The following PCDHA7 variants were observed in gnomAD, a reference collection of about 807,000 sequenced individuals.
PCDHA7 encodes the protein protocadherin alpha 7.
A neutral mutation model predicts 57.2 loss-of-function variants in PCDHA7; 37 were observed. That is an observed-to-expected ratio of 0.65 (90% CI 0.50 to 0.85). PCDHA7 has a LOEUF of 0.85. Ranked by LOEUF, PCDHA7 falls within the 40% of genes least tolerant of loss-of-function variation. The pLI is 0.00. For missense variants in PCDHA7, 1,188 were observed against 1,241.8 expected (o/e 0.96, Z 0.65); for synonymous variants, 553 against 558.8 (o/e 0.99, Z 0.15).
At chr5:140,937,748 T>C (rs192465220) in intron 1 of PCDHA7, among the ~76,000 whole-genome samples, 1 of 151,812 alleles carries the variant, frequency 6.6e-6, no homozygotes, top group Admixed American at 6.6e-5. Context: ...CCGTCTCTAC[T>C]AAAAATACAA....
intron 1 of PCDHA7, among the ~76,000 whole-genome samples, chr5:140,897,014 A>G (rs545411496): frequency 1.3e-3 from 202 of 152,284 alleles, no homozygotes; most frequent in Non-Finnish European, 2.0e-3. Context: ...TAAATATACA[A>G]CTAAATTATT....
chr5:140,889,120 T>G (rs1335268200), intron 1 of PCDHA7, among the ~76,000 whole-genome samples: 1 of 151,966 alleles, frequency 6.6e-6, no homozygotes, highest in Non-Finnish European at 1.5e-5. Context: ...CAGGTGATAC[T>G]GATATGTCCT....
intron 1 of PCDHA7, among the ~76,000 whole-genome samples, chr5:140,944,151 A>G (rs2093615419): frequency 6.6e-6 from 1 of 152,070 alleles, no homozygotes; most frequent in African/African-American, 2.4e-5. Flanking sequence ...GAAGAGTTGA[A>G]AATTAAAGGG....
chr5:140,841,454 G>A, intron 1 of PCDHA7: 1 of 1,612,938 alleles, frequency 6.2e-7, no homozygotes, highest in Non-Finnish European at 8.5e-7. Context: ...CGGCACCTTC[G>A]TGGGCCGGAT....
chr5:140,889,551 C>A (rs981990006), intron 1 of PCDHA7, among the ~76,000 whole-genome samples: 1 of 152,074 alleles, frequency 6.6e-6, no homozygotes, highest in Non-Finnish European at 1.5e-5. Flanking sequence ...ATTTACTTTT[C>A]TTCAGAATTC....
intron 1 of PCDHA7, chr5:140,884,132 T>C: frequency 6.2e-7 from 1 of 1,613,400 alleles, no homozygotes; most frequent in South Asian, 1.1e-5. Context: ...GCGCATCCCG[T>C]TCCGCGTGGG....
At chr5:140,919,127 T>A (rs2079016296) in intron 1 of PCDHA7, among the ~76,000 whole-genome samples, 1 of 152,192 alleles carries the variant, frequency 6.6e-6, no homozygotes, top group East Asian at 1.9e-4. Flanking sequence ...TTGCTTCATG[T>A]GTTTTGGGGC....
chr5:140,953,093 A>T (rs2153698233), intron 1 of PCDHA7, among the ~76,000 whole-genome samples: 1 of 152,346 alleles, frequency 6.6e-6, no homozygotes, highest in East Asian at 1.9e-4. Flanking sequence ...TTACAATTTG[A>T]CATGAGATTT....
chr5:140,927,290 T>A (rs1563090312), intron 1 of PCDHA7: 2 of 1,614,054 alleles, frequency 1.2e-6, no homozygotes, highest in Admixed American at 1.7e-5. Context: ...CAGCTGCACA[T>A]CCCCGAGTTC....
rs2150385569 is a variant in PCDHA7 at position 140,846,184 on chromosome 5, G to T, written c.2355+9446G>T. 1.3e-5 allele frequency among the ~76,000 whole-genome samples: 2 copies of T among 149,364 alleles called. 1 individual carries two copies. Among genetic ancestry groups the T allele is most frequent in the Non-Finnish European group, 3.0e-5 (2 of 66,864 alleles). ...CCTGCAGAGGCCTGAGTAGGCGTTT[G>T]AGTTCTTTGTATGTATGAGATCTTT... On this transcript the variant is annotated intron_variant, in intron 1 of 3. Coordinates refer to ENST00000525929, the MANE Select transcript of PCDHA7 (RefSeq NM_018910.3).
rs140634296 is a variant in PCDHA7 at position 140,850,279 on chromosome 5, G to T, written c.2355+13541G>T. Reference sequence around the variant, plus strand: ...GCCGGCGTAGTGGTGGGGAAGGTGCGCGCAGTGGACGCCGACTCGGGCTAC... The same window carrying T: ...GCCGGCGTAGTGGTGGGGAAGGTGCTCGCAGTGGACGCCGACTCGGGCTAC... On this transcript the variant is annotated intron_variant, in intron 1 of 3. Transcript: ENST00000525929. The T allele has an allele frequency of 5.0e-6, 8 of 1,595,454 alleles. 2 individuals are homozygous for T. The highest frequency in any genetic ancestry group is 1.1e-5 in the South Asian group (1 of 90,466).
At chr5:140,927,259 C>G (rs1262444613) in intron 1 of PCDHA7, 5 of 1,614,042 alleles carry the variant, frequency 3.1e-6, no homozygotes, top group Non-Finnish European at 3.4e-6. Flanking sequence ...CAACTCACCT[C>G]TCTTTCCTGC....
At position 140,882,067 on chromosome 5, in the gene PCDHA7, G is replaced by A. The variant is rs1031145324; in HGVS notation, c.2355+45329G>A. 7.1e-6 allele frequency: 6 copies of A among 848,700 alleles called. No individual in the cohort carries two copies. The East Asian group carries it at 8.0e-5, about 11-fold the overall frequency. 52.6% of individuals were successfully genotyped at this position (848,700 alleles called of 1,614,324 possible). A position where few individuals can be genotyped will look rare whatever the true frequency, so the allele number is the denominator to read the frequency against. ...GTCATACTTACACTTACACGTTCATGCGCATGGTGTCGCTCTTCACTGAGA... is the reference window on the plus strand; with the variant it reads ...GTCATACTTACACTTACACGTTCATACGCATGGTGTCGCTCTTCACTGAGA... On this transcript the variant is annotated intron_variant, in intron 1 of 3. Transcript: ENST00000525929.
intron 1 of PCDHA7, among the ~76,000 whole-genome samples, chr5:140,840,523 A>T (rs1554137815): frequency 6.6e-6 from 1 of 152,058 alleles, no homozygotes; most frequent in Non-Finnish European, 1.5e-5. Context: ...CAGAAGAAAG[A>T]TGAAGAACTA....
Position 140,838,087 on chromosome 5 carries a change from T to A in PCDHA7, c.2355+1349T>A, listed in dbSNP as rs1474008542. On this transcript the variant is annotated intron_variant, in intron 1 of 3. Coordinates refer to ENST00000525929, the MANE Select transcript of PCDHA7 (RefSeq NM_018910.3). Reference sequence around the variant, plus strand: ...AAGTTATATATATATAGTGTGTGTGTGTGTGTGTGTGTGTGTGTGTGTGTG... The same window carrying A: ...AAGTTATATATATATAGTGTGTGTGAGTGTGTGTGTGTGTGTGTGTGTGTG... Among the ~76,000 whole-genome samples the A allele has an allele frequency of 7.9e-4, 77 of 97,646 alleles. 1 individual carries two copies. Among genetic ancestry groups the A allele is most frequent in the South Asian group, 3.4e-3 (11 of 3,264 alleles). 64.1% of individuals were successfully genotyped at this position (97,646 alleles called of 152,430 possible).
At position 140,969,258 on chromosome 5, in the gene PCDHA7, A is replaced by T. The variant is rs782513796; in HGVS notation, c.2356-9691A>T. ...CAAGCAGCAGTGACTGACAGCAGGA[A>T]TCTCACAGGCCAAAGTGGTCAGAAT... On this transcript the variant is annotated intron_variant, in intron 1 of 3. Transcript: ENST00000525929. The T allele has an allele frequency of 3.7e-6, 6 of 1,614,106 alleles. No homozygotes were observed. The East Asian group carries it at 1.3e-4, about 36-fold the overall frequency.
At chr5:140,838,717 C>T (rs1775851358) in intron 1 of PCDHA7, among the ~76,000 whole-genome samples, 1 of 151,954 alleles carries the variant, frequency 6.6e-6, no homozygotes, top group Admixed American at 6.6e-5. Context: ...AGGAGGATTG[C>T]TTCAGTCTAG....
chr5:140,842,257 A>C, intron 1 of PCDHA7: 1 of 1,611,472 alleles, frequency 6.2e-7, no homozygotes, highest in African/African-American at 1.3e-5. Flanking sequence ...ATTTTGAACA[A>C]GAAAACTTAT....
At chr5:140,840,727 A>G (rs1199707180) in intron 1 of PCDHA7, among the ~76,000 whole-genome samples, 1 of 152,100 alleles carries the variant, frequency 6.6e-6, no homozygotes, top group Admixed American at 6.5e-5. Flanking sequence ...AATAAAGAAA[A>G]GCAAAAATTT....
Sources: allele counts gnomAD v4.1 joint callset (sites outside exome capture counted in the v4.1 genomes callset), GRCh38; gene constraint gnomAD v4.1.1; transcripts MANE v1.5; gene names NCBI Gene and HGNC (gene_info 2026-07-23, HGNC 2026-07-21).